UPF2: variants seen among roughly 807,000 people sequenced by gnomAD.
UPF2 encodes the protein UPF2 regulator of nonsense mediated mRNA decay.
UPF2 carries 17 observed loss-of-function variants against 141.4 expected under a neutral mutation model. That is an observed-to-expected ratio of 0.12 (90% CI 0.08 to 0.18). The LOEUF is 0.18. Among genes scored for constraint, UPF2 ranks in the 10% least tolerant of loss-of-function variants. UPF2 has a pLI of 1.00. For missense variants in UPF2, 1,152 were observed against 1,515.9 expected (o/e 0.76, Z 3.99); for synonymous variants, 540 against 498.0 (o/e 1.08, Z -1.12).
intron 7 of UPF2, among the ~76,000 whole-genome samples, chr10:11,999,370 C>G (rs950384784): frequency 6.6e-6 from 1 of 151,002 alleles, no homozygotes; most frequent in African/African-American, 2.4e-5. Flanking sequence ...AAAAATTAGC[C>G]GGCATGATGG....
intron 9 of UPF2, 61 bp downstream of exon 9, chr10:11,978,996 A>G (rs1488194227): frequency 1.5e-6 from 2 of 1,315,868 alleles, no homozygotes; most frequent in Non-Finnish European, 1.1e-6. Flanking sequence ...TACATTCTTA[A>G]AGAATCCTCA....
intron 9 of UPF2, among the ~76,000 whole-genome samples, chr10:11,972,118 C>G (rs1026201703): frequency 8.6e-5 from 13 of 150,696 alleles, no homozygotes; most frequent in Non-Finnish European, 1.2e-4. Context: ...TGTCAACACA[C>G]ATGAACTGTA....
intron 8 of UPF2, among the ~76,000 whole-genome samples, chr10:11,981,878 GT>G (rs1289670447): frequency 1.3e-5 from 2 of 152,160 alleles, no homozygotes; most frequent in Non-Finnish European, 2.9e-5. Context: ...CAGAGACAGG[GT>G]TTCCCCATAT....
At chr10:11,933,525 C>G (rs1379286805) in intron 19 of UPF2, among the ~76,000 whole-genome samples, 1 of 152,066 alleles carries the variant, frequency 6.6e-6, no homozygotes. Flanking sequence ...TTTTAAGAAA[C>G]AAGGACTTCA....
intron 8 of UPF2, among the ~76,000 whole-genome samples, chr10:11,983,498 G>C (rs187077988): frequency 0.01 from 1,581 of 152,176 alleles, 21 homozygotes; most frequent in Non-Finnish European, 0.014. Context: ...TCAGCCTCCT[G>C]AGTAGCTGGG....
chr10:12,023,499 CCT>C (rs1451269288), intron 3 of UPF2, among the ~76,000 whole-genome samples: 2 of 146,524 alleles, frequency 1.4e-5, no homozygotes, highest in Non-Finnish European at 3.0e-5. Context: ...ATGGTGAAAC[CCT>C]GTCTCTACTA....
At chr10:12,033,434 G>A (rs1034359235) in intron 2 of UPF2, among the ~76,000 whole-genome samples, 19 of 152,174 alleles carry the variant, frequency 1.2e-4, no homozygotes, top group Admixed American at 1.0e-3. Context: ...CAAGGAGGAT[G>A]TGGTGGGAGG....
chr10:12,004,108 G>A (rs1368106529), intron 5 of UPF2, among the ~76,000 whole-genome samples: 2 of 151,916 alleles, frequency 1.3e-5, no homozygotes, highest in Non-Finnish European at 2.9e-5. Context: ...CTCTATTAAC[G>A]ACCTAAAAGC....
rs1416897457 is a variant in UPF2 at position 11,997,490 on chromosome 10, G to A, written c.1844+182C>T. ...GATATCAGAAGAAATATTCCCATTA[G>A]AGCTAACAAGCAATGAACAAAAATT... On this transcript the variant is annotated intron_variant, in intron 8 of 21. Coordinates refer to ENST00000357604, the MANE Select transcript of UPF2 (RefSeq NM_015542.4). 2.6e-5 allele frequency among the ~76,000 whole-genome samples: 4 copies of A among 151,954 alleles called. No individual in the cohort carries two copies. The East Asian group carries it at 7.7e-4, about 29-fold the overall frequency.
intron 3 of UPF2, among the ~76,000 whole-genome samples, chr10:12,017,470 T>C (rs12415895): frequency 0.38 from 58,470 of 152,060 alleles, 13,634 homozygotes; most frequent in Non-Finnish European, 0.51. Flanking sequence ...GACTTTGCGC[T>C]GAGTCCATTA....
At chr10:11,990,073 A>T (rs1453946182) in intron 8 of UPF2, among the ~76,000 whole-genome samples, 1 of 152,256 alleles carries the variant, frequency 6.6e-6, no homozygotes, top group Non-Finnish European at 1.5e-5. Context: ...GAACTTCGAA[A>T]AAAAAGTCTG....
intron 12 of UPF2, among the ~76,000 whole-genome samples, chr10:11,958,582 G>GT (rs1359509705): frequency 6.6e-6 from 1 of 152,090 alleles, no homozygotes; most frequent in African/African-American, 2.4e-5. Context: ...ATTCTACCCT[G>GT]TATTATATGT....
chr10:11,993,354 G>T (rs1311853747), intron 8 of UPF2, among the ~76,000 whole-genome samples: 5 of 151,982 alleles, frequency 3.3e-5, no homozygotes, highest in Non-Finnish European at 7.4e-5. Context: ...TAGCTATTAG[G>T]AGAAATGCAA....
At chr10:12,033,391 G>A (rs1834563376) in intron 2 of UPF2, among the ~76,000 whole-genome samples, 1 of 152,042 alleles carries the variant, frequency 6.6e-6, no homozygotes, top group African/African-American at 2.4e-5. Context: ...AAAATACCCA[G>A]GTGTGGTGGC....
At chr10:11,930,053 C>T (rs558487707) in intron 20 of UPF2, 68 bp from the exon 21 acceptor site, 37 of 1,597,376 alleles carry the variant, frequency 2.3e-5, no homozygotes, top group South Asian at 1.6e-4. Flanking sequence ...ACAGAGTGAA[C>T]GAAATGTTGG....
intron 3 of UPF2, among the ~76,000 whole-genome samples, chr10:12,024,622 AATTT>A (rs968211549): frequency 1.9e-4 from 28 of 150,802 alleles, no homozygotes; most frequent in African/African-American, 6.3e-4. Flanking sequence ...AAAATTAATT[AATTT>A]ATTTATTAAT....
At chr10:12,010,829 A>C (rs879640106) in intron 4 of UPF2, among the ~76,000 whole-genome samples, 7 of 151,378 alleles carry the variant, frequency 4.6e-5, no homozygotes, top group Non-Finnish European at 1.0e-4. Context: ...TTTTAAAACA[A>C]TGAGAGAAAA....
In UPF2 at chr10:11,953,118, A is replaced by C. The variant is rs961894354; in HGVS notation, c.2851-869T>G. 1.3e-5 allele frequency among the ~76,000 whole-genome samples: 2 copies of C among 152,140 alleles called. No homozygotes were observed. The highest frequency in any genetic ancestry group is 2.9e-5 in the Non-Finnish European group (2 of 68,028). ...AAGCCTGGTTCCCACATTCTATTTTATACTTGTTTTAATTCCTAAATTTAC... is the reference window on the plus strand; with the variant it reads ...AAGCCTGGTTCCCACATTCTATTTTCTACTTGTTTTAATTCCTAAATTTAC... On this transcript the variant is annotated intron_variant, in intron 14 of 21. Transcript: ENST00000357604. This position sits in a 1 kb window ranked among gnomAD's most constrained non-coding sequence, Gnocchi z 5.0.
rs778728935 is a variant in UPF2, at chr10:11,955,524, C to A, written c.2575-17G>T. ...TTGATTAACCTAAAAGGCAACAAAA[C>A]CACAGATTTTCATTAAAGAGGAGTA... On this transcript the variant is annotated splice_polypyrimidine_tract_variant and intron_variant, in intron 13 of 21. Transcript: ENST00000357604. 5 of 1,592,634 alleles carry A rather than the reference C, an allele frequency of 3.1e-6. No individual in the cohort carries two copies. The African/African-American group carries it at 5.4e-5, about 17-fold the overall frequency.
Sources: gnomAD v4.1 joint callset for allele counts (sites outside exome capture counted in the v4.1 genomes callset) on GRCh38, gnomAD v4.1.1 for gene constraint, Gnocchi (gnomAD v3.1) non-coding constraint, MANE v1.5 for transcripts, NCBI Gene and HGNC (gene_info 2026-07-23, HGNC 2026-07-21) for gene names.